The following NRXN3 variants were observed in gnomAD, a reference collection of about 807,000 sequenced individuals.
NRXN3 encodes neurexin III.
A neutral mutation model predicts 137.6 loss-of-function variants in NRXN3; 32 were observed. That is an observed-to-expected ratio of 0.23 (90% CI 0.18 to 0.31). The LOEUF is 0.31. Among genes scored for constraint, NRXN3 ranks in the 10% least tolerant of loss-of-function variants. The pLI is 1.00. For missense variants in NRXN3, 1,574 were observed against 2,062.5 expected (o/e 0.76, Z 4.59); for synonymous variants, 798 against 784.5 (o/e 1.02, Z -0.29).
At chr14:78,829,885 T>A (rs950530774) in intron 10 of NRXN3, among the ~76,000 whole-genome samples, 2 of 152,060 alleles carry the variant, frequency 1.3e-5, no homozygotes, top group Admixed American at 6.6e-5. Flanking sequence ...TTAATTAGAG[T>A]GTCTTGCCTT....
At chr14:79,130,568 C>T (rs1013031980) in intron 15 of NRXN3, among the ~76,000 whole-genome samples, 6 of 151,766 alleles carry the variant, frequency 4.0e-5, no homozygotes, top group African/African-American at 1.5e-4. Context: ...TGATGGGCTT[C>T]CCTTTGTGGG....
At chr14:78,967,068 A>C (rs2099418984) in intron 12 of NRXN3, 140 bp from the exon 13 acceptor site, 1 of 679,362 alleles carries the variant, frequency 1.5e-6, no homozygotes. Context: ...TTGTAACCTC[A>C]TATCAAGATT....
At chr14:78,391,483 A>G (rs1251506408) in intron 4 of NRXN3, among the ~76,000 whole-genome samples, 1 of 152,028 alleles carries the variant, frequency 6.6e-6, no homozygotes, top group Non-Finnish European at 1.5e-5. Context: ...TCCCACAGAG[A>G]CCACTCACTC....
chr14:79,377,062 G>T (rs2094324003), intron 15 of NRXN3, among the ~76,000 whole-genome samples: 1 of 152,162 alleles, frequency 6.6e-6, no homozygotes, highest in Admixed American at 6.5e-5. Context: ...CACTTACTCT[G>T]TGCCCAACAC....
chr14:79,813,783 C>G (rs949179511), intron 20 of NRXN3, among the ~76,000 whole-genome samples: 1 of 152,046 alleles, frequency 6.6e-6, no homozygotes, highest in Non-Finnish European at 1.5e-5. Context: ...GGACCACTTG[C>G]CTTTACTTTC....
chr14:78,787,049 A>G lies in NRXN3; in HGVS notation c.2045-16571A>G, dbSNP rs559792665. Among the ~76,000 whole-genome samples, 27 of 152,260 alleles carry G rather than the reference A, an allele frequency of 1.8e-4. 1 individual carries two copies. In the South Asian group the frequency reaches 5.6e-3, roughly 32 times the overall value. Reference sequence around the variant, plus strand: ...GTGACAAGAAACTGATTTTACTTTAATCAGTTTATCAGACTTCTTAAATTT... The same window carrying G: ...GTGACAAGAAACTGATTTTACTTTAGTCAGTTTATCAGACTTCTTAAATTT... On this transcript the variant is annotated intron_variant, in intron 8 of 20. Transcript: ENST00000335750.
intron 4 of NRXN3, among the ~76,000 whole-genome samples, chr14:78,637,147 A>G (rs2097574456): frequency 6.6e-6 from 1 of 152,170 alleles, no homozygotes; most frequent in Non-Finnish European, 1.5e-5. Flanking sequence ...CCAGTGCTCA[A>G]GAATGTAGAG....
chr14:79,489,901 T>C lies in NRXN3; in HGVS notation c.3444+22499T>C, dbSNP rs545607548. Among the ~76,000 whole-genome samples the C allele has an allele frequency of 7.2e-5, 11 of 151,904 alleles. No homozygotes were observed. In the East Asian group the frequency reaches 2.1e-3, roughly 30 times the overall value. ...AAAAATACAAAAAATTAGCCGGGCA[T>C]GGTGGCAGGCACCTGTAGTCCCAGC... On this transcript the variant is annotated intron_variant, in intron 16 of 20. Coordinates refer to ENST00000335750, the MANE Select transcript of NRXN3 (RefSeq NM_001330195.2).
In NRXN3 at chr14:79,503,859, T is replaced by C. The variant is rs1163386501; in HGVS notation, c.3444+36457T>C. Among the ~76,000 whole-genome samples, 19 of 152,222 alleles carry C rather than the reference T, an allele frequency of 1.2e-4. No individual in the cohort carries two copies. The East Asian group carries it at 3.5e-3, about 28-fold the overall frequency. ...TCAAGGAGCTTGTGCTCTCCTTTGC[T>C]CCTCTCTTTTCAACCAATCTGAAAA... On this transcript the variant is annotated intron_variant, in intron 16 of 20. Coordinates refer to ENST00000335750, the MANE Select transcript of NRXN3 (RefSeq NM_001330195.2).
chr14:79,549,671 A>G (rs1042330011), intron 16 of NRXN3, among the ~76,000 whole-genome samples: 2 of 152,034 alleles, frequency 1.3e-5, no homozygotes, highest in Non-Finnish European at 2.9e-5. Context: ...AGCCACATTC[A>G]CCATTAGACC....
intron 17 of NRXN3, among the ~76,000 whole-genome samples, chr14:79,691,453 G>A (rs2160919): frequency 0.31 from 47,325 of 151,816 alleles, 10,072 homozygotes; most frequent in African/African-American, 0.6. Context: ...TACAAATGTT[G>A]TACCACTATA....
chr14:78,924,284 T>G (rs2099279004), intron 10 of NRXN3, among the ~76,000 whole-genome samples: 1 of 152,316 alleles, frequency 6.6e-6, no homozygotes, highest in Non-Finnish European at 1.5e-5. Flanking sequence ...AGTATAGTAG[T>G]GAACAATTAT....
At chr14:79,813,629 A>G (rs2140899415) in intron 20 of NRXN3, among the ~76,000 whole-genome samples, 1 of 152,298 alleles carries the variant, frequency 6.6e-6, no homozygotes, top group Middle Eastern at 3.4e-3. Context: ...TCCAGTATTT[A>G]TCTCAAAACA....
intron 15 of NRXN3, among the ~76,000 whole-genome samples, chr14:79,246,286 CT>C (rs1269336944): frequency 6.6e-6 from 1 of 152,208 alleles, no homozygotes; most frequent in Non-Finnish European, 1.5e-5. Flanking sequence ...GCTCAGATTT[CT>C]AATCTAGCCT....
chr14:79,371,108 A>G (rs1469959941), intron 15 of NRXN3, among the ~76,000 whole-genome samples: 1 of 152,224 alleles, frequency 6.6e-6, no homozygotes, highest in Non-Finnish European at 1.5e-5. Context: ...GGTATCAAGC[A>G]GTAGAAAAAG....
chr14:78,265,643 T>A (rs989502564), intron 2 of NRXN3, among the ~76,000 whole-genome samples: 3 of 152,108 alleles, frequency 2.0e-5, no homozygotes, highest in Non-Finnish European at 4.4e-5. Flanking sequence ...GTTGGATTCT[T>A]CTCCCAGACT....
chr14:78,275,136 C>T (rs906357333), intron 2 of NRXN3, among the ~76,000 whole-genome samples: 3 of 152,236 alleles, frequency 2.0e-5, no homozygotes, highest in Non-Finnish European at 2.9e-5. Flanking sequence ...ACCTCTTTAA[C>T]TACCTTCTCT....
chr14:78,781,593 T>C (rs1056972592), intron 8 of NRXN3, among the ~76,000 whole-genome samples: 2 of 152,158 alleles, frequency 1.3e-5, no homozygotes, highest in Non-Finnish European at 2.9e-5. Flanking sequence ...TCAACCAAAT[T>C]ATATATGACC....
chr14:79,760,980 C>T (rs1775831508), intron 19 of NRXN3, among the ~76,000 whole-genome samples: 1 of 151,528 alleles, frequency 6.6e-6, no homozygotes, highest in African/African-American at 2.4e-5. Flanking sequence ...ATGTGAATAA[C>T]AAATGAGCTC....
Sources: allele counts gnomAD v4.1 joint callset (sites outside exome capture counted in the v4.1 genomes callset), GRCh38; gene constraint gnomAD v4.1.1; transcripts MANE v1.5; gene names NCBI Gene and HGNC (gene_info 2026-07-23, HGNC 2026-07-21).